The following TNKS variants were observed in gnomAD, a reference collection of about 807,000 sequenced individuals.
The protein encoded by TNKS is poly [ADP-ribose] polymerase tankyrase-1.
TNKS carries 72 observed loss-of-function variants against 135.8 expected under a neutral mutation model. The observed-to-expected ratio is 0.53, with a 90% confidence interval of 0.44 to 0.64. TNKS has a LOEUF of 0.64. Among genes scored for constraint, TNKS ranks in the 30% least tolerant of loss-of-function variants. The pLI, the probability that TNKS is intolerant of heterozygous loss-of-function variation, is 0.00. For synonymous variants in TNKS, 849 were observed against 649.3 expected (o/e 1.31, Z -4.68); for missense variants, 1,769 against 1,674.0 (o/e 1.06, Z -0.99).
intron 3 of TNKS, 119 bp downstream of exon 3, chr8:9,615,796 A>G: frequency 1.5e-6 from 1 of 683,244 alleles, no homozygotes; most frequent in Non-Finnish European, 2.5e-6. Flanking sequence ...TATATCTGCC[A>G]TTATCTACTA....
At chr8:9,763,315 A>G in intron 22 of TNKS, 71 bp downstream of exon 22, 1 of 1,034,086 alleles carries the variant, frequency 9.7e-7, no homozygotes, top group Admixed American at 2.0e-5. Context: ...TCTGGAATTA[A>G]CCTCGTCTTA....
intron 3 of TNKS, among the ~76,000 whole-genome samples, chr8:9,665,765 T>A (rs983372935): frequency 1.3e-5 from 2 of 152,196 alleles, no homozygotes; most frequent in Admixed American, 1.3e-4. Context: ...CTCTCATGAA[T>A]TCACTCTCGT....
intron 26 of TNKS, among the ~76,000 whole-genome samples, chr8:9,775,045 G>A (rs1175134586): frequency 6.6e-6 from 1 of 152,114 alleles, no homozygotes; most frequent in Non-Finnish European, 1.5e-5. Flanking sequence ...GTGTTCTTAT[G>A]TGGTAGATGC....
chr8:9,741,141 C>T (rs1805938179), intron 17 of TNKS: 1 of 152,260 alleles, frequency 6.6e-6, no homozygotes, highest in Non-Finnish European at 1.5e-5. Flanking sequence ...TAAGTTATAA[C>T]TTACACATGT....
rs1381943280 is a variant in TNKS at position 9,708,409 on chromosome 8, G to C, written c.1495G>C (p.Glu499Gln). The change falls in exon 9 of 27, where the codon GAA becomes CAA. Residue 499 changes from glutamate to glutamine, a missense_variant. This residue lies in a region of TNKS where 523 missense variants were observed against 541.0 expected (regional missense o/e 0.97). Coordinates refer to ENST00000310430, the MANE Select transcript of TNKS (RefSeq NM_003747.3). ...KGHSLLQAAR[E>Q]ADLAKVKKTL... ...TCATTCTTTACTACAAGCAGCCAGA[G>C]AAGCAGACTTAGCTAAAGTTAAAAA... 1 of 1,609,218 alleles carries C rather than the reference G, an allele frequency of 6.2e-7. No individual in the cohort carries two copies. The highest frequency in any genetic ancestry group is 8.5e-7 in the Non-Finnish European group (1 of 1,177,608).
intron 25 of TNKS, among the ~76,000 whole-genome samples, chr8:9,768,128 C>T (rs149324736): frequency 6.2e-4 from 94 of 152,110 alleles, no homozygotes; most frequent in African/African-American, 2.2e-3. Context: ...AACAGTCGCT[C>T]ATTAAAATTA....
intron 3 of TNKS, among the ~76,000 whole-genome samples, chr8:9,678,244 C>A (rs1335885299): frequency 2.0e-5 from 3 of 151,200 alleles, no homozygotes; most frequent in African/African-American, 7.3e-5. Flanking sequence ...GTTCTGTAGA[C>A]ATTTGGGGGC....
chr8:9,651,324 C>A (rs549833956), intron 3 of TNKS, among the ~76,000 whole-genome samples: 1 of 151,956 alleles, frequency 6.6e-6, no homozygotes, highest in East Asian at 1.9e-4. Flanking sequence ...ATAACTTTTA[C>A]TTTAATATAA....
At chr8:9,695,254 T>C (rs890610822) in intron 5 of TNKS, among the ~76,000 whole-genome samples, 1 of 152,232 alleles carries the variant, frequency 6.6e-6, no homozygotes, top group Non-Finnish European at 1.5e-5. Flanking sequence ...GAACTTTTAA[T>C]TCTAATATTA....
At position 9,768,654 on chromosome 8, in the gene TNKS, G is replaced by A. The variant is rs1477974838; in HGVS notation, c.3741-1452G>A. ...GCAGCAACAGGCGAGCCCTGGGGCA[G>A]GAAGCAGAAGACCAGGGCCTGTCAA... On this transcript the variant is annotated intron_variant, in intron 25 of 26. Transcript: ENST00000310430. Among the ~76,000 whole-genome samples, 6 of 152,246 alleles carry A rather than the reference G, an allele frequency of 3.9e-5. No individual in the cohort carries two copies. In the East Asian group the frequency reaches 1.2e-3, roughly 29 times the overall value.
rs111413047 is a variant in TNKS at position 9,672,165 on chromosome 8, G to C, written c.995-7786G>C. The stretch of plus-strand genomic sequence containing the variant: ...TTGTTCCAATTGTTCTGTTTTATTA[G>C]AGATTATTCTTAATCTCTTACTATG... On this transcript the variant is annotated intron_variant, in intron 3 of 26. Transcript: ENST00000310430. Among the ~76,000 whole-genome samples the C allele has an allele frequency of 5.2e-3, 786 of 152,242 alleles. 9 individuals carry two copies. Among genetic ancestry groups the C allele is most frequent in the African/African-American group, 0.018 (737 of 41,534 alleles).
At chr8:9,721,234 A>G (rs1804864556) in intron 12 of TNKS, among the ~76,000 whole-genome samples, 1 of 148,564 alleles carries the variant, frequency 6.7e-6, no homozygotes, top group South Asian at 2.1e-4. Context: ...GTGAGCCGAG[A>G]TCACGCCACT....
chr8:9,673,265 T>C (rs1244246193), intron 3 of TNKS, among the ~76,000 whole-genome samples: 1 of 151,972 alleles, frequency 6.6e-6, no homozygotes, highest in Non-Finnish European at 1.5e-5. Context: ...ATTATATGAG[T>C]GTTATATTGT....
intron 15 of TNKS, among the ~76,000 whole-genome samples, chr8:9,734,355 A>T (rs1362959029): frequency 6.6e-6 from 1 of 152,198 alleles, no homozygotes; most frequent in Non-Finnish European, 1.5e-5. Flanking sequence ...TAATACATTT[A>T]TATCTAATTT....
intron 3 of TNKS, among the ~76,000 whole-genome samples, chr8:9,661,403 A>G (rs1040382370): frequency 3.9e-5 from 6 of 152,236 alleles, no homozygotes; most frequent in Non-Finnish European, 7.3e-5. Context: ...CCAATGGAAC[A>G]GAACAGAGCC....
rs1413898387 is a variant in TNKS at position 9,556,596 on chromosome 8, C to A, written c.657C>A (p.Pro219=). 6.2e-7 allele frequency: 1 copy of A among 1,613,646 alleles called. No homozygotes were observed. Residue 219 remains proline (P), a synonymous_variant, in exon 1 of 27, where the codon CCC becomes CCA. Transcript: ENST00000310430. ...AKDMAGRKSS[P]LHFAAGFGRK... is the part of the protein sequence containing the mutation. ...ACATGGCCGGCCGGAAGTCTTCTCC[C>A]CTGCACTTCGCTGCAGGTCAGAGAC...
At chr8:9,585,684 T>C (rs1170227091) in intron 2 of TNKS, among the ~76,000 whole-genome samples, 1 of 152,208 alleles carries the variant, frequency 6.6e-6, no homozygotes, top group Non-Finnish European at 1.5e-5. Context: ...TAAGAAAGGC[T>C]GAATCAAGCA....
chr8:9,607,619 C>T (rs182881978), intron 2 of TNKS, among the ~76,000 whole-genome samples: 131 of 152,130 alleles, frequency 8.6e-4, no homozygotes, highest in African/African-American at 2.9e-3. Context: ...TTCCATTTGT[C>T]GTATCAAAAA....
chr8:9,632,407 C>G (rs564035628), intron 3 of TNKS, among the ~76,000 whole-genome samples: 2 of 151,940 alleles, frequency 1.3e-5, no homozygotes, highest in African/African-American at 4.8e-5. Context: ...GGGTGTATTT[C>G]TTATTCTTTT....
Sources: gnomAD v4.1 joint callset for allele counts (sites outside exome capture counted in the v4.1 genomes callset) on GRCh38, gnomAD v4.1.1 for gene constraint, gnomAD v4.1.1 regional missense constraint, MANE v1.5 for transcripts, NCBI Gene and HGNC (gene_info 2026-07-23, HGNC 2026-07-21) for gene names.